CNTN4: variants seen among roughly 807,000 people sequenced by gnomAD.
The protein encoded by CNTN4 is contactin 4, also known as contactin-4.
In CNTN4, 77 loss-of-function variants were observed where a neutral mutation model predicts 122.5. The ratio of observed to expected loss-of-function variants is 0.63; its 90% confidence interval spans 0.52 to 0.76. The LOEUF (loss-of-function observed/expected upper bound fraction) is 0.76, where lower values mean the gene tolerates loss of function less well. Among genes scored for constraint, CNTN4 ranks in the 30% least tolerant of loss-of-function variants. The pLI is 0.00. For missense variants in CNTN4, 1,256 were observed against 1,259.1 expected, an observed-to-expected ratio of 1.00 and a Z score of 0.04; for synonymous variants, 512 against 447.0, an observed-to-expected ratio of 1.15 and a Z score of -1.83.
chr3:2,120,405 A>ATAT lies in CNTN4; in HGVS notation c.-145+19767_-145+19768insATT, dbSNP rs1428527983. On this transcript the variant is annotated intron_variant, in intron 2 of 24. Coordinates refer to ENST00000418658, the MANE Select transcript of CNTN4 (RefSeq NM_175607.3). Reference sequence around the variant, plus strand: ...TATATATATATATATATATATATATATTTTTTTTTTTTTTTTTATGCAGAG... The same window carrying ATAT: ...TATATATATATATATATATATATATATATTTTTTTTTTTTTTTTTTATGCAGAG... 4.6e-3 allele frequency among the ~76,000 whole-genome samples: 188 copies of ATAT among 40,744 alleles called. 2 individuals are homozygous for ATAT. The highest frequency in any genetic ancestry group is 7.3e-3 in the East Asian group (10 of 1,366). The allele number at this position is 40,744 out of a possible 152,430, so 26.7% of individuals were successfully genotyped here.
chr3:2,858,892 C>G (rs937922366), intron 7 of CNTN4, among the ~76,000 whole-genome samples: 4 of 152,304 alleles, frequency 2.6e-5, no homozygotes, highest in African/African-American at 9.6e-5. Context: ...CATTACCTCA[C>G]ATACCATTTT....
chr3:2,394,737 G>C (rs982810926), intron 3 of CNTN4, among the ~76,000 whole-genome samples: 3 of 146,136 alleles, frequency 2.1e-5, no homozygotes, highest in Non-Finnish European at 4.5e-5. Flanking sequence ...ACACAAAGGA[G>C]TTTTTCCAAG....
chr3:2,486,744 G>A (rs969257197), intron 3 of CNTN4, among the ~76,000 whole-genome samples: 1 of 152,154 alleles, frequency 6.6e-6, no homozygotes, highest in East Asian at 1.9e-4. Context: ...ATTTATTTGG[G>A]TACAACTGTA....
At chr3:2,500,941 C>G (rs2076577452) in intron 3 of CNTN4, among the ~76,000 whole-genome samples, 1 of 152,064 alleles carries the variant, frequency 6.6e-6, no homozygotes. Flanking sequence ...TTTTTCCCCC[C>G]CGCACAATGT....
chr3:2,355,950 G>A (rs370269408), intron 3 of CNTN4, among the ~76,000 whole-genome samples: 14 of 152,254 alleles, frequency 9.2e-5, no homozygotes, highest in South Asian at 4.1e-4. Flanking sequence ...TAACAACACC[G>A]GGAAGCCACT....
chr3:2,258,224 C>G (rs2040679656), intron 2 of CNTN4, among the ~76,000 whole-genome samples: 1 of 152,150 alleles, frequency 6.6e-6, no homozygotes, highest in Non-Finnish European at 1.5e-5. Context: ...ACCATTTAAC[C>G]CAGCAATCCC....
intron 2 of CNTN4, among the ~76,000 whole-genome samples, chr3:2,137,080 G>A (rs537921683): frequency 2.4e-4 from 36 of 152,182 alleles, no homozygotes; most frequent in African/African-American, 6.7e-4. Context: ...CAAAATAATC[G>A]TGTAGATCAC....
chr3:2,442,427 GAGAA>G (rs2048474975), intron 3 of CNTN4, among the ~76,000 whole-genome samples: 1 of 152,094 alleles, frequency 6.6e-6, no homozygotes, highest in Non-Finnish European at 1.5e-5. Flanking sequence ...CTTGGCAAAT[GAGAA>G]AATTATCTTG....
chr3:2,321,304 T>A (rs568520460), intron 2 of CNTN4, among the ~76,000 whole-genome samples: 1 of 152,276 alleles, frequency 6.6e-6, no homozygotes, highest in Non-Finnish European at 1.5e-5. Flanking sequence ...AAATCTCATC[T>A]CCACCATTTA....
At chr3:2,404,181 T>G (rs1193521554) in intron 3 of CNTN4, among the ~76,000 whole-genome samples, 2 of 152,172 alleles carry the variant, frequency 1.3e-5, no homozygotes, top group African/African-American at 4.8e-5. Flanking sequence ...TTTAGTGGCT[T>G]AAAACAACAC....
chr3:2,490,291 T>A lies in CNTN4; in HGVS notation c.-88-81125T>A, dbSNP rs538410958. On this transcript the variant is annotated intron_variant, in intron 3 of 24. Transcript: ENST00000418658. ...AAGCCTACTGCTTTCTGCAAGAAAC[T>A]GTCACGCCCACTCTCATGGTTTTGT... is the stretch of plus-strand genomic sequence containing the variant. Among the ~76,000 whole-genome samples the A allele has an allele frequency of 2.0e-5, 3 of 152,346 alleles. No individual in the cohort carries two copies. The South Asian group carries it at 6.2e-4, about 32-fold the overall frequency.
chr3:2,120,856 C>T (rs908408929), intron 2 of CNTN4, among the ~76,000 whole-genome samples: 10 of 152,184 alleles, frequency 6.6e-5, no homozygotes, highest in Admixed American at 5.9e-4. Flanking sequence ...TGAACATTTA[C>T]AGTGTACCAA....
At chr3:2,159,357 A>G (rs1314341082) in intron 2 of CNTN4, among the ~76,000 whole-genome samples, 1 of 152,000 alleles carries the variant, frequency 6.6e-6, no homozygotes, top group Non-Finnish European at 1.5e-5. Flanking sequence ...CAATATCAAA[A>G]CAGAAAAAAA....
At chr3:2,858,137 T>A (rs2093635422) in intron 7 of CNTN4, among the ~76,000 whole-genome samples, 1 of 152,206 alleles carries the variant, frequency 6.6e-6, no homozygotes, top group Non-Finnish European at 1.5e-5. Flanking sequence ...ATTTGCCTGA[T>A]GGAATGAGAG....
intron 13 of CNTN4, among the ~76,000 whole-genome samples, chr3:2,942,148 A>G (rs956659133): frequency 4.6e-5 from 7 of 152,204 alleles, no homozygotes; most frequent in Admixed American, 3.9e-4. Context: ...GCTTTAGTCA[A>G]TAAGTGTTCA....
intron 6 of CNTN4, among the ~76,000 whole-genome samples, chr3:2,798,368 T>TCTATCTACCTAC (rs1201579468): frequency 1.3e-5 from 2 of 148,510 alleles, no homozygotes; most frequent in African/African-American, 5.0e-5. Context: ...CACACATAAA[T>TCTATCTACCTAC]CTATCTATCT....
intron 3 of CNTN4, among the ~76,000 whole-genome samples, chr3:2,559,686 A>G (rs34132077): frequency 6.6e-6 from 1 of 152,156 alleles, no homozygotes; most frequent in African/African-American, 2.4e-5. Context: ...AGTGTGGTTT[A>G]ATTTGCAGAA....
In CNTN4 at chr3:2,424,260, C is replaced by T. The variant is rs538642225; in HGVS notation, c.-89+85027C>T. Among the ~76,000 whole-genome samples the T allele has an allele frequency of 3.6e-5, 5 of 137,024 alleles. No homozygotes were observed. In the South Asian group the frequency reaches 1.1e-3, roughly 30 times the overall value. The allele number at this position is 137,024 out of a possible 152,430, so 89.9% of individuals were successfully genotyped here. A position where few individuals can be genotyped will look rare whatever the true frequency, so the allele number is the denominator to read the frequency against. On this transcript the variant is annotated intron_variant, in intron 3 of 24. Coordinates refer to ENST00000418658, the MANE Select transcript of CNTN4 (RefSeq NM_175607.3). ...GCCCTGGTGTGTGATGTTCCTTTTC[C>T]TGTGTCCAACTGTTCTCACTGTTCA... is the stretch of plus-strand genomic sequence containing the variant.
At chr3:2,502,953 G>C (rs1473025731) in intron 3 of CNTN4, among the ~76,000 whole-genome samples, 1 of 152,090 alleles carries the variant, frequency 6.6e-6, no homozygotes, top group Non-Finnish European at 1.5e-5. Context: ...GTATGTCCTT[G>C]TGAACCGCAA....
Sources: allele counts gnomAD v4.1 joint callset (sites outside exome capture counted in the v4.1 genomes callset), GRCh38; gene constraint gnomAD v4.1.1; transcripts MANE v1.5; gene names NCBI Gene and HGNC (gene_info 2026-07-23, HGNC 2026-07-21).